The following SCUBE1 variants were observed in gnomAD, a reference collection of about 807,000 sequenced individuals.
The protein encoded by SCUBE1 is signal peptide, CUB domain and EGF like domain containing 1.
A neutral mutation model predicts 124.4 loss-of-function variants in SCUBE1; 59 were observed. The observed-to-expected ratio is 0.47, with a 90% CI of 0.38 to 0.59. The LOEUF (loss-of-function observed/expected upper bound fraction) is 0.59, where lower values mean the gene tolerates loss of function less well. Among genes scored for constraint, SCUBE1 ranks in the 20% least tolerant of loss-of-function variants. The pLI is 0.00. For missense variants in SCUBE1, 1,150 were observed against 1,371.2 expected, an observed-to-expected ratio of 0.84 and a Z score of 2.55; for synonymous variants, 545 against 550.9, an observed-to-expected ratio of 0.99 and a Z score of 0.15.
At chr22:43,262,230 G>C (rs558789429) in intron 5 of SCUBE1, among the ~76,000 whole-genome samples, 12 of 152,372 alleles carry the variant, frequency 7.9e-5, no homozygotes, top group Middle Eastern at 3.4e-3. Flanking sequence ...TCGGGCTAGA[G>C]TGATCCTCTG....
chr22:43,256,335 C>T (rs1182253579), intron 6 of SCUBE1, among the ~76,000 whole-genome samples: 2 of 152,214 alleles, frequency 1.3e-5, no homozygotes, highest in African/African-American at 4.8e-5. Context: ...AGCATCCTGG[C>T]TATGCCAAGA....
At chr22:43,256,485 G>A (rs1359725556) in intron 6 of SCUBE1, among the ~76,000 whole-genome samples, 3 of 152,200 alleles carry the variant, frequency 2.0e-5, no homozygotes, top group Non-Finnish European at 4.4e-5. Context: ...TCCTGGACAG[G>A]AGTAGAAGTA....
chr22:43,329,231 A>G (rs949118096), intron 2 of SCUBE1, among the ~76,000 whole-genome samples: 1 of 152,224 alleles, frequency 6.6e-6, no homozygotes, highest in African/African-American at 2.4e-5. Flanking sequence ...CTGCCTACAG[A>G]CTGGCCAGGA....
Position 43,198,864 on chromosome 22 carries a change from G to C in SCUBE1, c.*5133C>G. ...GCTGTCTGGGGAAGTGTGTCTGTCT[G>C]TCTGCTGTCTGGGGCAGTTTGCTGT... On this transcript the variant is annotated 3_prime_UTR_variant, in exon 22 of 22. Transcript: ENST00000360835. The C allele has an allele frequency of 2.5e-6, 1 of 395,484 alleles. No individual in the cohort carries two copies. The highest frequency in any genetic ancestry group is 1.9e-5 in the South Asian group (1 of 53,386). The allele number at this position is 395,484 out of a possible 1,614,324, so 24.5% of individuals were successfully genotyped here.
chr22:43,295,088 C>T (rs1925506797), intron 3 of SCUBE1, among the ~76,000 whole-genome samples: 1 of 152,166 alleles, frequency 6.6e-6, no homozygotes, highest in African/African-American at 2.4e-5. Context: ...CCAAAGCCCT[C>T]CCTCTCCTCC....
chr22:43,246,765 A>C (rs1282785885), intron 6 of SCUBE1, among the ~76,000 whole-genome samples: 3 of 152,186 alleles, frequency 2.0e-5, no homozygotes, highest in Non-Finnish European at 2.9e-5. Flanking sequence ...GGACAGATTA[A>C]ACAACAACCT....
intron 5 of SCUBE1, among the ~76,000 whole-genome samples, chr22:43,262,444 C>T (rs904365849): frequency 3.9e-5 from 6 of 152,218 alleles, no homozygotes; most frequent in Non-Finnish European, 8.8e-5. Flanking sequence ...ACCATTCCTG[C>T]TGGACAGCTT....
intron 2 of SCUBE1, among the ~76,000 whole-genome samples, chr22:43,335,059 A>G (rs1927019756): frequency 6.6e-6 from 1 of 152,212 alleles, no homozygotes; most frequent in South Asian, 2.1e-4. Context: ...CAGTGTGGAG[A>G]AACAGGTCTG....
intron 4 of SCUBE1, among the ~76,000 whole-genome samples, chr22:43,286,671 C>G (rs777056338): frequency 5.3e-5 from 8 of 152,224 alleles, no homozygotes; most frequent in African/African-American, 9.6e-5. Context: ...TGTACAGGAA[C>G]TCTTAGGACC....
intron 1 of SCUBE1, among the ~76,000 whole-genome samples, chr22:43,340,762 A>G (rs1181868251): frequency 6.6e-6 from 1 of 152,192 alleles, no homozygotes. Flanking sequence ...AAATGTAGAC[A>G]TGACAGACAG....
At chr22:43,232,517 AG>A (rs146022490) in intron 7 of SCUBE1, 1 of 153,006 alleles carries the variant, frequency 6.5e-6, no homozygotes, top group East Asian at 1.9e-4. Context: ...AGGCTTCAAA[AG>A]GTAAGTGGGG....
At chr22:43,326,967 G>A (rs1926746696) in intron 2 of SCUBE1, among the ~76,000 whole-genome samples, 1 of 152,126 alleles carries the variant, frequency 6.6e-6, no homozygotes, top group African/African-American at 2.4e-5. Flanking sequence ...CATTATTCTT[G>A]CTTGCTTGTG....
chr22:43,244,057 A>T (rs1343364072), intron 6 of SCUBE1, among the ~76,000 whole-genome samples: 1 of 152,162 alleles, frequency 6.6e-6, no homozygotes, highest in Non-Finnish European at 1.5e-5. Flanking sequence ...TGAATGTGAC[A>T]TGCCCCAGGT....
intron 4 of SCUBE1, among the ~76,000 whole-genome samples, chr22:43,272,135 C>T (rs941915888): frequency 2.0e-5 from 3 of 152,176 alleles, no homozygotes; most frequent in African/African-American, 7.2e-5. Flanking sequence ...CTCCTCTCGT[C>T]GTCCTTCTCA....
intron 3 of SCUBE1, among the ~76,000 whole-genome samples, chr22:43,308,508 T>C (rs1926057299): frequency 6.6e-6 from 1 of 152,164 alleles, no homozygotes; most frequent in African/African-American, 2.4e-5. Context: ...GCTGTTGAAG[T>C]ATAAAGACAA....
At chr22:43,297,695 C>A (rs184726156) in intron 3 of SCUBE1, among the ~76,000 whole-genome samples, 1 of 152,352 alleles carries the variant, frequency 6.6e-6, no homozygotes, top group Admixed American at 6.5e-5. Flanking sequence ...GCCCAAGATG[C>A]TGATGTTTGT....
rs1601785135 is a variant in SCUBE1 at position 43,198,492 on chromosome 22, C to G, written c.*5505G>C. 2.2e-6 allele frequency: 1 copy of G among 452,692 alleles called. No homozygotes were observed. Among genetic ancestry groups the G allele is most frequent in the East Asian group, 7.0e-5 (1 of 14,382 alleles). The allele number at this position is 452,692 out of a possible 1,614,324, so 28.0% of individuals were successfully genotyped here. A position where few individuals can be genotyped will look rare whatever the true frequency, so the allele number is the denominator to read the frequency against. On this transcript the variant is annotated 3_prime_UTR_variant, in exon 22 of 22. Coordinates refer to ENST00000360835, the MANE Select transcript of SCUBE1 (RefSeq NM_173050.5). ...ACTTACTCCTGGAAGGGCCAGGGAT[C>G]TGTGGGTGCTGTGGGGGCAGAGGCA...
chr22:43,227,346 G>GA (rs1569501412), intron 10 of SCUBE1, 28 bp downstream of exon 10: 2 of 1,598,036 alleles, frequency 1.3e-6, no homozygotes, highest in African/African-American at 2.7e-5. Context: ...TGCAGGGGAG[G>GA]GGCCAGCAGC....
chr22:43,337,122 A>C (rs534954315), intron 2 of SCUBE1, among the ~76,000 whole-genome samples: 1 of 152,300 alleles, frequency 6.6e-6, no homozygotes, highest in African/African-American at 2.4e-5. Flanking sequence ...TCTCATCTTC[A>C]TACCCAGCAG....
Sources: gnomAD v4.1 joint callset for allele counts (sites outside exome capture counted in the v4.1 genomes callset) on GRCh38, gnomAD v4.1.1 for gene constraint, MANE v1.5 for transcripts, NCBI Gene and HGNC (gene_info 2026-07-23, HGNC 2026-07-21) for gene names.